The following NXPE2 variants were observed in gnomAD, a reference collection of about 807,000 sequenced individuals.
The protein encoded by NXPE2 is NXPE family member 2.
A neutral mutation model predicts 34.4 loss-of-function variants in NXPE2; 34 were observed. The observed-to-expected ratio is 0.99, with a 90% CI of 0.75 to 1.31. NXPE2 has a LOEUF of 1.31. NXPE2 is among the 40% of genes most tolerant of loss of function. The pLI is 0.00. For missense variants in NXPE2, 649 were observed against 672.5 expected (o/e 0.97, Z 0.39); for synonymous variants, 235 against 231.3 (o/e 1.02, Z -0.15).
At chr11:114,561,113 C>T in the NXPE2 span, among the ~76,000 whole-genome samples, 1 of 152,120 alleles carries the variant, frequency 6.6e-6, no homozygotes, top group East Asian at 1.9e-4. Context: ...GCCTGGATGC[C>T]CAGACCCTGT....
the NXPE2 span, among the ~76,000 whole-genome samples, chr11:114,560,579 G>A: frequency 1.3e-5 from 2 of 151,954 alleles, no homozygotes; most frequent in Non-Finnish European, 2.9e-5. Context: ...ATCTTTTATC[G>A]GTTTGAAAAG....
chr11:114,707,852 T>C (rs951969201), downstream of NXPE2, among the ~76,000 whole-genome samples: 3 of 152,352 alleles, frequency 2.0e-5, no homozygotes, highest in African/African-American at 7.2e-5. Context: ...TTCATCCATA[T>C]TGTAGCATTT....
the NXPE2 span, among the ~76,000 whole-genome samples, chr11:114,632,771 ATT>A: frequency 2.0e-5 from 1 of 50,130 alleles, no homozygotes. Flanking sequence ...ATATTATATA[ATT>A]ATATATTATA....
At chr11:114,500,416 T>C in the NXPE2 span, among the ~76,000 whole-genome samples, 13 of 152,124 alleles carry the variant, frequency 8.5e-5, no homozygotes, top group African/African-American at 3.1e-4. Context: ...TTTTGTATGA[T>C]GAAAGGTTAG....
At chr11:114,523,771 T>A in the NXPE2 span, among the ~76,000 whole-genome samples, 1 of 152,166 alleles carries the variant, frequency 6.6e-6, no homozygotes. Context: ...GGGCATCCAA[T>A]TTCTCCTGTC....
the NXPE2 span, chr11:114,513,039 C>A: frequency 9.4e-6 from 4 of 425,786 alleles, no homozygotes; most frequent in East Asian, 5.9e-5. Context: ...GTATCTGACC[C>A]CCCCCAGAAC....
the NXPE2 span, among the ~76,000 whole-genome samples, chr11:114,644,670 G>A: frequency 6.6e-6 from 1 of 152,030 alleles, no homozygotes; most frequent in African/African-American, 2.4e-5. Flanking sequence ...TGAACTGGAA[G>A]TTCTAATATC....
At chr11:114,593,095 C>G in the NXPE2 span, among the ~76,000 whole-genome samples, 1 of 152,074 alleles carries the variant, frequency 6.6e-6, no homozygotes, top group Non-Finnish European at 1.5e-5. Context: ...CTAGGGAATA[C>G]TGTTCAGGAC....
the NXPE2 span, among the ~76,000 whole-genome samples, chr11:114,804,223 T>A: frequency 6.6e-6 from 1 of 152,178 alleles, no homozygotes; most frequent in South Asian, 2.1e-4. Context: ...ACCACTCCAT[T>A]TCCCTCTGCT....
chr11:114,561,965 A>G, the NXPE2 span, among the ~76,000 whole-genome samples: 1 of 152,106 alleles, frequency 6.6e-6, no homozygotes, highest in South Asian at 2.1e-4. Flanking sequence ...TATTTCACGT[A>G]TCATATTTTA....
chr11:114,727,485 C>T, the NXPE2 span, among the ~76,000 whole-genome samples: 5 of 151,990 alleles, frequency 3.3e-5, no homozygotes, highest in Admixed American at 6.6e-5. Context: ...GAGGGCAACA[C>T]AAATATTCAG....
the NXPE2 span, chr11:114,570,629 C>G: frequency 4.0e-5 from 8 of 199,296 alleles, no homozygotes; most frequent in South Asian, 1.3e-3. Flanking sequence ...TACTTTATCA[C>G]TCTGAGTTTT....
chr11:114,516,049 T>C, the NXPE2 span, among the ~76,000 whole-genome samples: 8 of 152,222 alleles, frequency 5.3e-5, no homozygotes, highest in Non-Finnish European at 1.5e-5. Flanking sequence ...AGCAAGAAGA[T>C]GTTAAGTAGT....
the NXPE2 span, among the ~76,000 whole-genome samples, chr11:114,510,098 G>A: frequency 6.6e-6 from 1 of 152,142 alleles, no homozygotes; most frequent in African/African-American, 2.4e-5. Flanking sequence ...GCAAGTAATA[G>A]ACTTTAAAGT....
chr11:114,668,510 C>T, the NXPE2 span, among the ~76,000 whole-genome samples: 13,964 of 152,074 alleles, frequency 0.092, 756 homozygotes, highest in Middle Eastern at 0.2. Flanking sequence ...TGAGGTTCTA[C>T]AGGTACACAC....
the NXPE2 span, among the ~76,000 whole-genome samples, chr11:114,503,127 G>T: frequency 6.6e-6 from 1 of 151,560 alleles, no homozygotes; most frequent in African/African-American, 2.4e-5. Flanking sequence ...CAAGAAAAAA[G>T]CTTCAGATGC....
At chr11:114,669,155 C>G in the NXPE2 span, among the ~76,000 whole-genome samples, 4 of 152,064 alleles carry the variant, frequency 2.6e-5, no homozygotes, top group Admixed American at 6.6e-5. Flanking sequence ...TGGACCCTCT[C>G]CCCAGTGGAA....
the NXPE2 span, chr11:114,522,041 C>G: frequency 6.2e-7 from 1 of 1,613,672 alleles, no homozygotes; most frequent in East Asian, 2.2e-5. Context: ...AGTGTCAGTG[C>G]CATATGCAAT....
the NXPE2 span, among the ~76,000 whole-genome samples, chr11:114,745,826 A>G: frequency 6.6e-6 from 1 of 152,126 alleles, no homozygotes; most frequent in African/African-American, 2.4e-5. Context: ...TCTTTTACCA[A>G]TTTTAATGTT....
Sources: gnomAD v4.1 joint callset for allele counts (sites outside exome capture counted in the v4.1 genomes callset) on GRCh38, gnomAD v4.1.1 for gene constraint, MANE v1.5 for transcripts, NCBI Gene and HGNC (gene_info 2026-07-23, HGNC 2026-07-21) for gene names.